The following ZYG11A variants were observed in gnomAD, a reference collection of about 807,000 sequenced individuals.
The protein encoded by ZYG11A is zyg-11 family member A, cell cycle regulator.
ZYG11A carries 62 observed loss-of-function variants against 77.2 expected under a neutral mutation model. The ratio of observed to expected loss-of-function variants is 0.80; its 90% CI spans 0.65 to 0.99. The LOEUF (loss-of-function observed/expected upper bound fraction) is 0.99. ZYG11A is among the 50% of genes least tolerant of loss of function. The pLI is 0.00. For missense variants in ZYG11A, 828 were observed against 896.8 expected (o/e 0.92, Z 0.98); for synonymous variants, 315 against 324.6 (o/e 0.97, Z 0.32).
intron 8 of ZYG11A, among the ~76,000 whole-genome samples, chr1:52,870,113 C>T (rs1435219319): frequency 4.1e-5 from 6 of 147,114 alleles, no homozygotes; most frequent in South Asian, 2.2e-4. Flanking sequence ...GACGGGGCGG[C>T]GGGGCAGAGG....
intron 8 of ZYG11A, among the ~76,000 whole-genome samples, chr1:52,875,005 A>G (rs1037739327): frequency 1.2e-4 from 19 of 152,276 alleles, no homozygotes; most frequent in African/African-American, 4.3e-4. Flanking sequence ...TTGAACCCAC[A>G]GTCTCTCCTA....
At chr1:52,861,385 G>C (rs950926251) in intron 4 of ZYG11A, among the ~76,000 whole-genome samples, 3 of 152,124 alleles carry the variant, frequency 2.0e-5, no homozygotes, top group Middle Eastern at 3.2e-3. Context: ...AACAATGAAA[G>C]GTCTTAAGAA....
intron 13 of ZYG11A, among the ~76,000 whole-genome samples, chr1:52,889,213 A>C (rs953139659): frequency 6.6e-6 from 1 of 151,988 alleles, no homozygotes; most frequent in Non-Finnish European, 1.5e-5. Context: ...GCTTGATCAC[A>C]GCTCACTGCA....
rs560016844 is a variant in ZYG11A, at chr1:52,867,829, G to A, written c.1542+52G>A. On this transcript the variant is annotated intron_variant, in intron 8 of 13. Transcript: ENST00000371528. ...TTTTTTTAAAAAAAGTCAAATTTATGATTATAGCTTAAAAAAAAAATCAAA... is the reference window on the plus strand; with the variant it reads ...TTTTTTTAAAAAAAGTCAAATTTATAATTATAGCTTAAAAAAAAAATCAAA... 78 of 1,427,520 alleles carry A rather than the reference G, an allele frequency of 5.5e-5. No homozygotes were observed. In the African/African-American group the frequency reaches 9.7e-4, roughly 18 times the overall value. The allele number at this position is 1,427,520 out of a possible 1,614,324, so 88.4% of individuals were successfully genotyped here. A position where few individuals can be genotyped will look rare whatever the true frequency, so the allele number is the denominator to read the frequency against.
chr1:52,857,728 T>C lies in ZYG11A; in HGVS notation c.987T>C (p.Phe329=). The change falls in exon 3 of 14, where the codon TTT becomes TTC. Residue 329 remains phenylalanine, a synonymous_variant. Transcript: ENST00000371528. ...LATDAGSSDF[F]TTKQGLRVAG... ...CGGATGCTGGCTCTTCTGACTTCTT[T>C]ACTACAAAGCAAGGCTTGAGGGTTT... 1 of 1,550,070 alleles carries C rather than the reference T, an allele frequency of 6.5e-7. No individual in the cohort carries two copies. Among genetic ancestry groups the C allele is most frequent in the South Asian group, 1.2e-5 (1 of 83,502 alleles).
intron 1 of ZYG11A, among the ~76,000 whole-genome samples, chr1:52,847,039 G>C (rs1454115569): frequency 6.6e-6 from 1 of 151,392 alleles, no homozygotes; most frequent in Non-Finnish European, 1.5e-5. Flanking sequence ...GTAGAGACGG[G>C]GTTTCACTGT....
intron 3 of ZYG11A, 123 bp from the exon 4 acceptor site, chr1:52,860,608 C>A: frequency 9.1e-7 from 1 of 1,101,792 alleles, no homozygotes; most frequent in Non-Finnish European, 1.3e-6. Context: ...ACACCTGGAA[C>A]ATTTAATTGA....
intron 8 of ZYG11A, among the ~76,000 whole-genome samples, chr1:52,876,069 G>A (rs1646256386): frequency 6.6e-6 from 1 of 151,994 alleles, no homozygotes; most frequent in African/African-American, 2.4e-5. Flanking sequence ...AGGAAGAGTG[G>A]GTGTATTTCT....
intron 8 of ZYG11A, among the ~76,000 whole-genome samples, chr1:52,871,641 G>C (rs1646168720): frequency 6.6e-6 from 1 of 151,718 alleles, no homozygotes. Flanking sequence ...ACCACACCAG[G>C]ATAATTTTTG....
Position 52,867,636 on chromosome 1 carries a change from C to T in ZYG11A, c.1489C>T (p.Gln497Ter). The change falls in exon 7 of 14, where the codon CAG becomes TAG. Residue 497 changes from glutamine to a stop codon, truncating the protein, a stop_gained and splice_region_variant. Coordinates refer to ENST00000371528, the MANE Select transcript of ZYG11A (RefSeq NM_001004339.3). LOFTEE classifies it high-confidence loss of function. ...GAGTGTCACCTCTATTCTGGCTCTGCAGGTTTGTGATTTCTTAAAGGCAAG... is the reference window on the plus strand; with the variant it reads ...GAGTGTCACCTCTATTCTGGCTCTGTAGGTTTGTGATTTCTTAAAGGCAAG... ...AVSVTSILAL[Q>*]LSPEQTAQLE... 1 of 1,551,698 alleles carries T rather than the reference C, an allele frequency of 6.4e-7. No homozygotes were observed. Among genetic ancestry groups the T allele is most frequent in the Non-Finnish European group, 8.7e-7 (1 of 1,146,662 alleles).
At chr1:52,872,830 C>T (rs1646191087) in intron 8 of ZYG11A, among the ~76,000 whole-genome samples, 1 of 143,386 alleles carries the variant, frequency 7.0e-6, no homozygotes, top group African/African-American at 2.6e-5. Context: ...TTGCAGTGAG[C>T]CGAGATCAAG....
chr1:52,890,760 G>A (rs143095980), intron 13 of ZYG11A, among the ~76,000 whole-genome samples: 1 of 151,768 alleles, frequency 6.6e-6, no homozygotes, highest in African/African-American at 2.4e-5. Flanking sequence ...ATCACACCCA[G>A]CTAATTTTTT....
At chr1:52,872,353 C>T (rs1646183086) in intron 8 of ZYG11A, among the ~76,000 whole-genome samples, 2 of 152,024 alleles carry the variant, frequency 1.3e-5, no homozygotes, top group African/African-American at 4.8e-5. Flanking sequence ...ATCCACCCTC[C>T]TTGGTCTCCC....
At chr1:52,867,928 C>G (rs1646056616) in intron 8 of ZYG11A, among the ~76,000 whole-genome samples, 151 bp downstream of exon 8, 1 of 139,746 alleles carries the variant, frequency 7.2e-6, no homozygotes, top group African/African-American at 2.8e-5. Context: ...AATTTTGTAG[C>G]TATTTCTTTT....
intron 8 of ZYG11A, among the ~76,000 whole-genome samples, chr1:52,875,946 CTG>C (rs1039497375): frequency 7.4e-5 from 11 of 148,222 alleles, no homozygotes; most frequent in South Asian, 6.4e-4. Context: ...TGCTGAATCT[CTG>C]TATGTGCAGA....
chr1:52,879,887 C>T (rs1240414488), intron 10 of ZYG11A, among the ~76,000 whole-genome samples: 3 of 151,566 alleles, frequency 2.0e-5, no homozygotes, highest in Non-Finnish European at 4.4e-5. Flanking sequence ...TTCAGTCTCC[C>T]GAGTAGCTGG....
chr1:52,859,627 G>A (rs1267825830), intron 3 of ZYG11A, among the ~76,000 whole-genome samples: 2 of 135,560 alleles, frequency 1.5e-5, no homozygotes, highest in Non-Finnish European at 3.2e-5. Flanking sequence ...GAGCCACCAC[G>A]CCCAGCTGGG....
chr1:52,843,474 TG>T (rs1430939752), intron 1 of ZYG11A, among the ~76,000 whole-genome samples: 2 of 152,176 alleles, frequency 1.3e-5, no homozygotes, highest in Admixed American at 1.3e-4. Flanking sequence ...CTGAGGCCTT[TG>T]GGCCCGGGGC....
At chr1:52,889,293 C>A (rs1429112315) in intron 13 of ZYG11A, among the ~76,000 whole-genome samples, 2 of 152,038 alleles carry the variant, frequency 1.3e-5, no homozygotes, top group African/African-American at 4.8e-5. Context: ...CACCACCATG[C>A]CTGGGGTTCT....
Sources: gnomAD v4.1 joint callset for allele counts (sites outside exome capture counted in the v4.1 genomes callset) on GRCh38, gnomAD v4.1.1 for gene constraint, MANE v1.5 for transcripts, NCBI Gene and HGNC (gene_info 2026-07-23, HGNC 2026-07-21) for gene names.